Variants in FAIM2 observed in about 807,000 individuals in gnomAD.
FAIM2 encodes Fas apoptotic inhibitory molecule 2, also known as protein lifeguard 2.
In FAIM2, 27 loss-of-function variants were observed where a neutral mutation model predicts 47.4. The ratio of observed to expected loss-of-function variants is 0.57; its 90% CI spans 0.42 to 0.78. The LOEUF is 0.78. Ranked by LOEUF, FAIM2 falls within the 30% of genes least tolerant of loss-of-function variation. FAIM2 has a pLI of 0.00. For synonymous variants in FAIM2, 156 were observed against 159.3 expected (o/e 0.98, Z 0.16); for missense variants, 311 against 389.4 (o/e 0.80, Z 1.69).
At chr12:49,891,733 T>C (rs1946901700) in intron 5 of FAIM2, among the ~76,000 whole-genome samples, 1 of 152,174 alleles carries the variant, frequency 6.6e-6, no homozygotes, top group Non-Finnish European at 1.5e-5. Context: ...GGTAGGGCCC[T>C]CTTCTGTCCT....
chr12:49,897,190 A>C, intron 4 of FAIM2, 106 bp from the exon 5 acceptor site: 1 of 1,006,872 alleles, frequency 9.9e-7, no homozygotes, highest in Non-Finnish European at 1.6e-6. Context: ...CTTGAGAGGA[A>C]GCCAAAGGAA....
intron 2 of FAIM2, chr12:49,900,336 G>A (rs896735586): frequency 3.1e-6 from 2 of 641,216 alleles, no homozygotes; most frequent in South Asian, 2.1e-5. Context: ...AAGTGGGAGA[G>A]GGGGAGGGGC....
Position 49,897,984 on chromosome 12 carries a change from T to C in FAIM2, c.315+3A>G, listed in dbSNP as rs746037645. The C allele has an allele frequency of 6.2e-7, 1 of 1,611,752 alleles. No homozygotes were observed. Among genetic ancestry groups the C allele is most frequent in the Non-Finnish European group, 8.5e-7 (1 of 1,177,938 alleles). ...GTCCCAGAGGGCTACAGAGGGGCAT[T>C]ACCTTTCTGACAAAGACTCGACGAA... On this transcript the variant is annotated splice_donor_region_variant and intron_variant, in intron 3 of 11. Coordinates refer to ENST00000320634, the MANE Select transcript of FAIM2 (RefSeq NM_012306.4).
At chr12:49,895,549 C>A (rs1176927795) in intron 5 of FAIM2, among the ~76,000 whole-genome samples, 1 of 152,156 alleles carries the variant, frequency 6.6e-6, no homozygotes, top group African/African-American at 2.4e-5. Flanking sequence ...ATGGGCTGGC[C>A]CAGGTGGTAG....
rs909008377 is a variant in FAIM2 at position 49,868,568 on chromosome 12, C to G, written c.*1936G>C. Reference sequence around the variant, plus strand: ...GCCTGACCACCCACCTCTCTGCGCTCTCATGTGGTCTCATTCCGGCCCCCA... The same window carrying G: ...GCCTGACCACCCACCTCTCTGCGCTGTCATGTGGTCTCATTCCGGCCCCCA... On this transcript the variant is annotated 3_prime_UTR_variant, in exon 12 of 12. Transcript: ENST00000320634. The G allele has an allele frequency of 6.6e-6, 1 of 152,226 alleles. No homozygotes were observed. The highest frequency in any genetic ancestry group is 1.5e-5 in the Non-Finnish European group (1 of 68,040). 9.4% of individuals were successfully genotyped at this position (152,226 alleles called of 1,614,324 possible). A position where few individuals can be genotyped will look rare whatever the true frequency, so the allele number is the denominator to read the frequency against.
rs777751458 is a variant in FAIM2 at position 49,868,909 on chromosome 12, G to A, written c.*1595C>T. ...ATGGAACAAAACTTCAAATGCTTCT[G>A]CAATGTTTCTTGAAAGCTGGGAGTA... On this transcript the variant is annotated 3_prime_UTR_variant, in exon 12 of 12. Coordinates refer to ENST00000320634, the MANE Select transcript of FAIM2 (RefSeq NM_012306.4). 6.6e-6 allele frequency: 1 copy of A among 151,914 alleles called. No individual in the cohort carries two copies. Among genetic ancestry groups the A allele is most frequent in the Non-Finnish European group, 1.5e-5 (1 of 67,998 alleles). 9.4% of individuals were successfully genotyped at this position (151,914 alleles called of 1,614,324 possible).
chr12:49,889,568 G>A lies in FAIM2; in HGVS notation c.564C>T (p.Ser188=). The A allele has an allele frequency of 6.2e-7, 1 of 1,613,866 alleles. No individual in the cohort carries two copies. Among genetic ancestry groups the A allele is most frequent in the Non-Finnish European group, 8.5e-7 (1 of 1,179,796 alleles). The change falls in exon 9 of 12, where the codon AGC becomes AGT. Residue 188 remains serine (S), a splice_region_variant and synonymous_variant. Transcript: ENST00000320634. ...SMAYLTGMLS[S]YYNTTSVLLC... ...GCAGCACGGAGGTGGTGTTGTAGTA[G>A]CTGAGGACCGTCAGGCCGAGGGGTC... is the stretch of plus-strand genomic sequence containing the variant.
At chr12:49,896,505 C>A (rs1946938458) in intron 5 of FAIM2, among the ~76,000 whole-genome samples, 1 of 152,184 alleles carries the variant, frequency 6.6e-6, no homozygotes, top group Non-Finnish European at 1.5e-5. Flanking sequence ...GGGCAAATTC[C>A]TCATTTCTCT....
chr12:49,879,020 GTA>G lies in FAIM2; in HGVS notation c.801+8364_801+8365del, dbSNP rs763792320. Among the ~76,000 whole-genome samples, 142 of 135,254 alleles carry G rather than the reference GTA, an allele frequency of 1.0e-3. 19 individuals are homozygous for G. Among genetic ancestry groups the G allele is most frequent in the Non-Finnish European group, 1.6e-3 (105 of 64,238 alleles). The allele number at this position is 135,254 out of a possible 152,430, so 88.7% of individuals were successfully genotyped here. A position where few individuals can be genotyped will look rare whatever the true frequency, so the allele number is the denominator to read the frequency against. On this transcript the variant is annotated intron_variant, in intron 11 of 11. Coordinates refer to ENST00000320634, the MANE Select transcript of FAIM2 (RefSeq NM_012306.4). ...TCTGTGTATGTGCATGTGTGTATGT[GTA>G]TGTGTGTGTCTGTGTGCATGAGTTT...
At chr12:49,876,929 G>A (rs1946740810) in intron 11 of FAIM2, among the ~76,000 whole-genome samples, 1 of 152,210 alleles carries the variant, frequency 6.6e-6, no homozygotes, top group South Asian at 2.1e-4. Flanking sequence ...GTGAGGCACA[G>A]AGCAGTCAGG....
intron 10 of FAIM2, 72 bp downstream of exon 10, chr12:49,889,035 G>A: frequency 9.0e-7 from 1 of 1,111,924 alleles, no homozygotes. Flanking sequence ...GCGGATAGGG[G>A]AGGGAACGGC....
rs1198573879 is a variant in FAIM2 at position 49,891,084 on chromosome 12, C to T, written c.465G>A (p.Leu155=). The T allele has an allele frequency of 6.2e-7, 1 of 1,614,146 alleles. No homozygotes were observed. Among genetic ancestry groups the T allele is most frequent in the Admixed American group, 1.7e-5 (1 of 60,026 alleles). ...CATACCTGGGTCCAGAACAGCAAGCCAGGGTCAGGTAGGTTGCAAAGAACA... is the reference window on the plus strand; with the variant it reads ...CATACCTGGGTCCAGAACAGCAAGCTAGGGTCAGGTAGGTTGCAAAGAACA... ...YAVFFATYLT[L]ACCSGPRRHF... The change falls in exon 6 of 12, where the codon CTG becomes CTA. Residue 155 remains leucine (L), a synonymous_variant. Transcript: ENST00000320634.
At chr12:49,898,121 G>A (rs755536015) in intron 2 of FAIM2, 31 bp from the exon 3 acceptor site, 4 of 1,531,142 alleles carry the variant, frequency 2.6e-6, no homozygotes, top group African/African-American at 2.7e-5. Context: ...GAGGACATGA[G>A]GGTTCCCCCT....
chr12:49,897,912 G>T, intron 3 of FAIM2, 75 bp downstream of exon 3: 2 of 1,124,620 alleles, frequency 1.8e-6, no homozygotes, highest in Non-Finnish European at 2.7e-6. Context: ...TGCAGGCAGA[G>T]GGTTGGGCCA....
intron 2 of FAIM2, among the ~76,000 whole-genome samples, chr12:49,898,599 C>T (rs1402910413): frequency 1.3e-5 from 2 of 152,148 alleles, no homozygotes; most frequent in Non-Finnish European, 2.9e-5. Flanking sequence ...GATCATGGCT[C>T]ACGGCAGCCT....
chr12:49,897,452 G>T, intron 4 of FAIM2, 67 bp downstream of exon 4: 1 of 1,438,948 alleles, frequency 6.9e-7, no homozygotes, highest in South Asian at 1.1e-5. Context: ...GTCTGATCAT[G>T]GGTTCCCCGG....
At chr12:49,899,015 C>A (rs924835893) in intron 2 of FAIM2, among the ~76,000 whole-genome samples, 1 of 152,104 alleles carries the variant, frequency 6.6e-6, no homozygotes, top group Non-Finnish European at 1.5e-5. Flanking sequence ...AGAACTGAGG[C>A]TTTTGGAAGA....
In FAIM2 at chr12:49,901,153, G is replaced by A. The variant is rs753101263; in HGVS notation, c.188C>T (p.Pro63Leu). 4 of 1,603,858 alleles carry A rather than the reference G, an allele frequency of 2.5e-6. No individual in the cohort carries two copies. Among genetic ancestry groups the A allele is most frequent in the East Asian group, 2.3e-5 (1 of 43,870 alleles). Residue 63 changes from proline to leucine, a missense_variant, in exon 2 of 12, where the codon CCT becomes CTT. Pro to Leu is a moderately conservative substitution (Grantham distance 98). Transcript: ENST00000320634. ...ACTGGGGTCCACATAGGCCCAGCTA[G>A]GGTGGAGAGGCACCGCTGTGGGGGC... ...PPAPTAVPLH[P>L]SWAYVDPSSS...
rs1555157917 is a variant in FAIM2, at chr12:49,878,392, G to GTGTGCATGTGTGTA, written c.802-7740_802-7739insTACACACATGCACA. On this transcript the variant is annotated intron_variant, in intron 11 of 11. Coordinates refer to ENST00000320634, the MANE Select transcript of FAIM2 (RefSeq NM_012306.4). Reference sequence around the variant, plus strand: ...TGGGCATGTGCATGTGTGTATATGTGTGTGTCTGTGTGCATGTGAGTGTAT... The same window carrying GTGTGCATGTGTGTA: ...TGGGCATGTGCATGTGTGTATATGTGTGTGCATGTGTGTATGTGTCTGTGTGCATGTGAGTGTAT... Among the ~76,000 whole-genome samples, 8 of 125,120 alleles carry GTGTGCATGTGTGTA rather than the reference G, an allele frequency of 6.4e-5. 1 individual carries two copies. Among genetic ancestry groups the GTGTGCATGTGTGTA allele is most frequent in the Non-Finnish European group, 1.3e-4 (8 of 61,514 alleles). 82.1% of individuals were successfully genotyped at this position (125,120 alleles called of 152,430 possible). A position where few individuals can be genotyped will look rare whatever the true frequency, so the allele number is the denominator to read the frequency against.
Sources: gnomAD v4.1 joint callset for allele counts (sites outside exome capture counted in the v4.1 genomes callset) on GRCh38, gnomAD v4.1.1 for gene constraint, MANE v1.5 for transcripts, NCBI Gene and HGNC (gene_info 2026-07-23, HGNC 2026-07-21) for gene names.